Variants in CCDC7 observed in about 807,000 individuals in gnomAD.
CCDC7 encodes the protein coiled-coil domain containing 7, also known as coiled-coil domain-containing protein 7.
CCDC7 carries 183 observed loss-of-function variants against 196.9 expected under a neutral mutation model. The observed-to-expected ratio is 0.93, with a 90% CI of 0.82 to 1.05. CCDC7 has a LOEUF of 1.05. Among genes scored for constraint, CCDC7 ranks in the 50% least tolerant of loss-of-function variants. The pLI is 0.00. For missense variants in CCDC7, 1,540 were observed against 1,482.2 expected (o/e 1.04, Z -0.64); for synonymous variants, 525 against 484.6 (o/e 1.08, Z -1.10).
chr10:32,451,174 T>A (rs2032962327), upstream of CCDC7, among the ~76,000 whole-genome samples: 1 of 152,194 alleles, frequency 6.6e-6, no homozygotes, highest in Non-Finnish European at 1.5e-5. Context: ...GAAGCAAGAT[T>A]TGTAGCCAAT....
intron 24 of CCDC7, among the ~76,000 whole-genome samples, chr10:32,703,822 G>T (rs1591797276): frequency 6.6e-6 from 1 of 152,168 alleles, no homozygotes; most frequent in Non-Finnish European, 1.5e-5. Flanking sequence ...ACTGAGGCTT[G>T]TGCATTCGTC....
At chr10:32,517,895 A>T in intron 9 of CCDC7, 50 bp from the exon 11 acceptor site, 1 of 1,559,140 alleles carries the variant, frequency 6.4e-7, no homozygotes, top group East Asian at 2.4e-5. Flanking sequence ...TTCATAAATT[A>T]AAATATAAAT....
chr10:32,589,134 T>A (rs1470039372), intron 18 of CCDC7, among the ~76,000 whole-genome samples: 1 of 152,124 alleles, frequency 6.6e-6, no homozygotes, highest in Non-Finnish European at 1.5e-5. Context: ...GTACTCATCC[T>A]CGTTTCCCCC....
intron 20 of CCDC7, among the ~76,000 whole-genome samples, chr10:32,646,899 C>CA (rs1050450122): frequency 7.9e-5 from 12 of 152,268 alleles, no homozygotes; most frequent in African/African-American, 2.9e-4. Context: ...CATGTTGCTG[C>CA]AAAGGACACG....
In CCDC7 at chr10:32,504,845, T is replaced by C. The variant is rs116170354; in HGVS notation, c.872+12848T>C. On this transcript the variant is annotated intron_variant, in intron 9 of 41. Coordinates refer to ENST00000639629, the Ensembl canonical transcript of CCDC7. ...AACACATAACGTATCATGGGAAATA[T>C]TTCATATTCACTCAAGGAGAACGTA... Among the ~76,000 whole-genome samples, 972 of 152,320 alleles carry C rather than the reference T, an allele frequency of 6.4e-3. 14 individuals carry two copies. The highest frequency in any genetic ancestry group is 0.022 in the African/African-American group (933 of 41,582).
intron 11 of CCDC7, among the ~76,000 whole-genome samples, chr10:32,542,118 A>G (rs953411628): frequency 6.6e-6 from 1 of 152,152 alleles, no homozygotes; most frequent in Non-Finnish European, 1.5e-5. Context: ...ATCTTGTCCA[A>G]ACGTCCTAAA....
intron 21 of CCDC7, among the ~76,000 whole-genome samples, chr10:32,668,325 T>G (rs1183330595): frequency 6.6e-6 from 1 of 152,168 alleles, no homozygotes; most frequent in African/African-American, 2.4e-5. Context: ...ACAGGAACAA[T>G]TTGACTTCCT....
intron 16 of CCDC7, among the ~76,000 whole-genome samples, chr10:32,576,691 C>A (rs1590093385): frequency 6.6e-6 from 1 of 151,820 alleles, no homozygotes; most frequent in Non-Finnish European, 1.5e-5. Flanking sequence ...GCGGGGACCA[C>A]AGGCATGCAT....
intron 21 of CCDC7, among the ~76,000 whole-genome samples, chr10:32,673,549 C>G (rs2140837082): frequency 6.6e-6 from 1 of 151,524 alleles, no homozygotes; most frequent in East Asian, 1.9e-4. Flanking sequence ...TTTTGAATTC[C>G]TTTTTGGATA....
Position 32,649,017 on chromosome 10 carries a change from T to A in CCDC7, c.2014+13859T>A, listed in dbSNP as rs532214014. Reference sequence around the variant, plus strand: ...ATCATGTCCTTTTGTAGGAATATGGTTGGAGTTGGAAACTATTATCCTCAG... The same window carrying A: ...ATCATGTCCTTTTGTAGGAATATGGATGGAGTTGGAAACTATTATCCTCAG... On this transcript the variant is annotated intron_variant, in intron 20 of 41. Coordinates refer to ENST00000639629, the Ensembl canonical transcript of CCDC7. 1.6e-4 allele frequency among the ~76,000 whole-genome samples: 24 copies of A among 152,320 alleles called. No individual in the cohort carries two copies. The South Asian group carries it at 5.0e-3, about 32-fold the overall frequency.
At chr10:32,804,551 G>C (rs1173756381) in intron 29 of CCDC7, among the ~76,000 whole-genome samples, 2 of 152,054 alleles carry the variant, frequency 1.3e-5, no homozygotes, top group African/African-American at 4.8e-5. Context: ...ATAATTTCCT[G>C]TGATTATGAA....
intron 8 of CCDC7, among the ~76,000 whole-genome samples, chr10:32,485,146 T>C (rs2040779578): frequency 6.6e-6 from 1 of 152,238 alleles, no homozygotes; most frequent in African/African-American, 2.4e-5. Context: ...TTTTGGTTGG[T>C]AAGCTATTAA....
At chr10:32,695,580 G>T (rs1342337791) in intron 24 of CCDC7, among the ~76,000 whole-genome samples, 2 of 152,192 alleles carry the variant, frequency 1.3e-5, no homozygotes, top group Non-Finnish European at 2.9e-5. Context: ...GGGGCTAAGA[G>T]TGACTAAAGC....
intron 41 of CCDC7, among the ~76,000 whole-genome samples, chr10:32,876,137 C>G (rs987258375): frequency 4.6e-5 from 7 of 151,874 alleles, no homozygotes; most frequent in African/African-American, 1.2e-4. Flanking sequence ...GTTGGAGAAC[C>G]ATTATCTATA....
At chr10:32,851,628 G>T (rs190237588) in intron 39 of CCDC7, among the ~76,000 whole-genome samples, 179 bp from the exon 41 acceptor site, 246 of 152,150 alleles carry the variant, frequency 1.6e-3, no homozygotes, top group Middle Eastern at 0.014. Context: ...CCTGTCTCTT[G>T]TTCAATAATA....
intron 25 of CCDC7, among the ~76,000 whole-genome samples, chr10:32,722,774 G>A (rs1213636690): frequency 3.3e-5 from 5 of 152,014 alleles, no homozygotes; most frequent in African/African-American, 1.2e-4. Context: ...GTTTTAGAGG[G>A]GCACAATTCA....
intron 18 of CCDC7, among the ~76,000 whole-genome samples, chr10:32,623,459 AT>A (rs2063625322): frequency 6.6e-6 from 1 of 152,046 alleles, no homozygotes; most frequent in African/African-American, 2.4e-5. Flanking sequence ...ATGTATTTCT[AT>A]TTTGGATTTC....
At chr10:32,828,784 A>G (rs1008556471) in intron 32 of CCDC7, among the ~76,000 whole-genome samples, 4 of 152,188 alleles carry the variant, frequency 2.6e-5, no homozygotes, top group Admixed American at 1.3e-4. Context: ...GCCAGGATTC[A>G]CAGGTCCAGG....
At chr10:32,549,157 T>TG (rs2053038049) in intron 13 of CCDC7, among the ~76,000 whole-genome samples, 2 of 152,210 alleles carry the variant, frequency 1.3e-5, no homozygotes, top group Non-Finnish European at 2.9e-5. Flanking sequence ...ATTTCCCTGA[T>TG]CATTCATGAT....
Sources: gnomAD v4.1 joint callset for allele counts (sites outside exome capture counted in the v4.1 genomes callset) on GRCh38, gnomAD v4.1.1 for gene constraint, MANE v1.5 for transcripts, NCBI Gene and HGNC (gene_info 2026-07-23, HGNC 2026-07-21) for gene names.